The following LOXL2 variants were observed in gnomAD, a reference collection of about 807,000 sequenced individuals.
LOXL2 encodes the protein lysyl oxidase homolog 2.
Under a neutral mutation model 93.0 loss-of-function variants are expected in LOXL2, and 70 were observed. The ratio of observed to expected loss-of-function variants is 0.75; its 90% CI spans 0.62 to 0.92. The LOEUF (loss-of-function observed/expected upper bound fraction) is 0.92, where lower values mean the gene tolerates loss of function less well. Among genes scored for constraint, LOXL2 ranks in the 40% least tolerant of loss-of-function variants. The pLI, the probability that LOXL2 is intolerant of heterozygous loss-of-function variation, is 0.00. For synonymous variants in LOXL2, 438 were observed against 413.2 expected, an observed-to-expected ratio of 1.06 and a Z score of -0.73; for missense variants, 973 against 1,054.9, an observed-to-expected ratio of 0.92 and a Z score of 1.08.
chr8:23,356,056 G>GT (rs1393292354), intron 3 of LOXL2, among the ~76,000 whole-genome samples: 1 of 152,088 alleles, frequency 6.6e-6, no homozygotes, highest in Non-Finnish European at 1.5e-5. Context: ...ACCTACAGCA[G>GT]TTTTTCTGAA....
intron 1 of LOXL2, among the ~76,000 whole-genome samples, chr8:23,384,343 A>T (rs1804725009): frequency 6.6e-6 from 1 of 152,142 alleles, no homozygotes; most frequent in South Asian, 2.1e-4. Context: ...GCCTCTAAAC[A>T]CATGCTGGAC....
chr8:23,301,941 T>C, intron 12 of LOXL2, 86 bp downstream of exon 12: 4 of 1,535,228 alleles, frequency 2.6e-6, no homozygotes, highest in Non-Finnish European at 3.6e-6. Context: ...TCCATGCCCC[T>C]GTGTGGACAC....
At chr8:23,370,788 A>C (rs1804481900) in intron 1 of LOXL2, 1 of 152,274 alleles carries the variant, frequency 6.6e-6, no homozygotes. Context: ...GGACCTGTTA[A>C]ACAGCTCCAG....
In LOXL2 at chr8:23,333,609, C is replaced by T. The variant is rs745851452; in HGVS notation, c.758G>A (p.Arg253Gln). 22 of 1,612,980 alleles carry T rather than the reference C, an allele frequency of 1.4e-5. No homozygotes were observed. The African/African-American group carries it at 1.7e-4, about 13-fold the overall frequency. ...NTKVYKMFAS[R>Q]RKQRYWPFSM... Reference sequence around the variant, plus strand: ...GAATGGCCAGTAGCGCTGCTTCCTCCGTGAGGCAAACATTCTGCAGACGAT... The same window carrying T: ...GAATGGCCAGTAGCGCTGCTTCCTCTGTGAGGCAAACATTCTGCAGACGAT... Residue 253 changes from arginine to glutamine, a missense_variant, in exon 5 of 14, where the codon CGG becomes CAG. Physicochemically the swap from Arg to Gln is conservative, Grantham distance 43. Coordinates refer to ENST00000389131, the MANE Select transcript of LOXL2 (RefSeq NM_002318.3).
At position 23,314,163 on chromosome 8, in the gene LOXL2, A is replaced by G. The variant is rs200442818; in HGVS notation, c.1636+2786T>C. Among the ~76,000 whole-genome samples the G allele has an allele frequency of 9.0e-3, 1,370 of 152,252 alleles. 80 individuals are homozygous for G. The East Asian group carries it at 0.16, about 18-fold the overall frequency. On this transcript the variant is annotated intron_variant, in intron 9 of 13. Coordinates refer to ENST00000389131, the MANE Select transcript of LOXL2 (RefSeq NM_002318.3). ...GAACAACAGGTGCTGGAGAGGATGT[A>G]GAGAGATAGGAACACTTTTACACTG...
intron 1 of LOXL2, among the ~76,000 whole-genome samples, chr8:23,379,842 C>T (rs182269631): frequency 3.3e-5 from 5 of 152,300 alleles, no homozygotes; most frequent in African/African-American, 1.2e-4. Flanking sequence ...TCTGTCAGCC[C>T]TTCCCTTTAC....
intron 3 of LOXL2, among the ~76,000 whole-genome samples, chr8:23,344,474 G>C (rs1052752128): frequency 1.3e-5 from 2 of 151,996 alleles, no homozygotes; most frequent in African/African-American, 4.8e-5. Flanking sequence ...CTGTGTCTCT[G>C]TGTGTGCACG....
chr8:23,403,238 C>T (rs1490348268), intron 1 of LOXL2, among the ~76,000 whole-genome samples: 1 of 152,122 alleles, frequency 6.6e-6, no homozygotes. Flanking sequence ...TCGCTCGTGC[C>T]CGTTCTTTCC....
chr8:23,394,908 C>A (rs1208605120), intron 1 of LOXL2, among the ~76,000 whole-genome samples: 1 of 152,110 alleles, frequency 6.6e-6, no homozygotes, highest in Non-Finnish European at 1.5e-5. Flanking sequence ...TATGCCCATA[C>A]AATAGAATAT....
At chr8:23,383,895 C>T (rs923842713) in intron 1 of LOXL2, among the ~76,000 whole-genome samples, 4 of 151,912 alleles carry the variant, frequency 2.6e-5, no homozygotes, top group South Asian at 4.1e-4. Flanking sequence ...CTGCTGACCT[C>T]GTGATCCACC....
intron 3 of LOXL2, among the ~76,000 whole-genome samples, chr8:23,342,702 A>G (rs547663548): frequency 6.6e-6 from 1 of 152,102 alleles, no homozygotes; most frequent in African/African-American, 2.4e-5. Flanking sequence ...AAGTGCTGGG[A>G]TTACAGGCAT....
Position 23,379,392 on chromosome 8 carries a change from C to T in LOXL2, c.-83-10958G>A, listed in dbSNP as rs1440516759. Among the ~76,000 whole-genome samples the T allele has an allele frequency of 2.0e-5, 3 of 152,342 alleles. No homozygotes were observed. In the East Asian group the frequency reaches 5.8e-4, roughly 29 times the overall value. ...AGGCTACTCGGGGGTCAGGGACCCACTTGAGGAGGCAGTCTTCCTGTTCTC... is the reference window on the plus strand; with the variant it reads ...AGGCTACTCGGGGGTCAGGGACCCATTTGAGGAGGCAGTCTTCCTGTTCTC... On this transcript the variant is annotated intron_variant, in intron 1 of 13. Transcript: ENST00000389131.
intron 9 of LOXL2, 93 bp from the exon 10 acceptor site, chr8:23,310,004 G>A: frequency 7.5e-7 from 1 of 1,330,150 alleles, no homozygotes; most frequent in Non-Finnish European, 9.8e-7. Flanking sequence ...CCCCTCTCCT[G>A]CCTACCGCCA....
intron 4 of LOXL2, chr8:23,336,512 G>A (rs111420276): frequency 9.8e-5 from 15 of 152,530 alleles, no homozygotes; most frequent in Admixed American, 2.0e-4. Flanking sequence ...GGAGTGGAGC[G>A]GGAAGCCTGC....
chr8:23,334,638 GT>G lies in LOXL2; in HGVS notation c.744-1016del, dbSNP rs1041236175. ...ACATGTGCAAAGTGTTCCTTTGTAT[GT>G]TTTTTTTTAAAGGCAGAATATAGAT... is the stretch of plus-strand genomic sequence containing the variant. On this transcript the variant is annotated intron_variant, in intron 4 of 13. Coordinates refer to ENST00000389131, the MANE Select transcript of LOXL2 (RefSeq NM_002318.3). 7.4e-5 allele frequency among the ~76,000 whole-genome samples: 11 copies of G among 149,632 alleles called. 1 individual carries two copies. The highest frequency in any genetic ancestry group is 2.1e-4 in the South Asian group (1 of 4,722).
rs751671895 is a variant in LOXL2, at chr8:23,309,730, A to T, written c.1818T>A (p.Asn606Lys). 12 of 1,594,552 alleles carry T rather than the reference A, an allele frequency of 7.5e-6. 1 individual carries two copies. The South Asian group carries it at 1.1e-4, about 15-fold the overall frequency. The part of the protein sequence containing the change: ...LLRFSSQIHN[N>K]GQSDFRPKNG... Reference sequence around the variant, plus strand: ...TCTTGGGCCGGAAGTCGGACTGGCCATTGTTGTGGATCTGGGAGGAGAAGC... The same window carrying T: ...TCTTGGGCCGGAAGTCGGACTGGCCTTTGTTGTGGATCTGGGAGGAGAAGC... Residue 606 changes from asparagine (N) to lysine (K), a missense_variant, in exon 10 of 14, where the codon AAT (asparagine) becomes AAA (lysine). Physicochemically the swap from Asn to Lys is moderately conservative, Grantham distance 94. Coordinates refer to ENST00000389131, the MANE Select transcript of LOXL2 (RefSeq NM_002318.3).
intron 1 of LOXL2, among the ~76,000 whole-genome samples, chr8:23,397,354 G>A (rs973251696): frequency 2.6e-5 from 4 of 152,130 alleles, no homozygotes; most frequent in Admixed American, 2.0e-4. Flanking sequence ...AAGATGGTGA[G>A]TTTTATGTTA....
At chr8:23,396,509 C>CT (rs1189200465) in intron 1 of LOXL2, among the ~76,000 whole-genome samples, 1 of 152,090 alleles carries the variant, frequency 6.6e-6, no homozygotes, top group African/African-American at 2.4e-5. Context: ...CCTACAATGG[C>CT]CAAGGGGCAG....
intron 9 of LOXL2, among the ~76,000 whole-genome samples, chr8:23,311,779 A>G (rs770537178): frequency 1.3e-5 from 2 of 152,204 alleles, no homozygotes; most frequent in Non-Finnish European, 2.9e-5. Context: ...CTAACAAGAG[A>G]CAGACATATT....
Sources: allele counts gnomAD v4.1 joint callset (sites outside exome capture counted in the v4.1 genomes callset), GRCh38; gene constraint gnomAD v4.1.1; transcripts MANE v1.5; gene names NCBI Gene and HGNC (gene_info 2026-07-23, HGNC 2026-07-21).